Variants in DNAH6 observed in about 807,000 individuals in gnomAD.
DNAH6 encodes dynein axonemal heavy chain 6.
Under a neutral mutation model 491.4 loss-of-function variants are expected in DNAH6, and 340 were observed. That is an observed-to-expected ratio of 0.69 (90% CI 0.63 to 0.76). The LOEUF (loss-of-function observed/expected upper bound fraction) is 0.76, where lower values mean the gene tolerates loss of function less well. DNAH6 is among the 30% of genes least tolerant of loss of function. The pLI, the probability that DNAH6 is intolerant of heterozygous loss-of-function variation, is 0.00. For missense variants in DNAH6, 4,443 were observed against 4,972.2 expected (o/e 0.89, Z 3.20); for synonymous variants, 1,603 against 1,686.1 (o/e 0.95, Z 1.21).
chr2:84,519,706 C>A (rs1187580246), intron 2 of DNAH6, among the ~76,000 whole-genome samples: 3 of 150,486 alleles, frequency 2.0e-5, no homozygotes, highest in African/African-American at 7.3e-5. Flanking sequence ...TACTCTCTTT[C>A]TTTTCTACTC....
intron 68 of DNAH6, among the ~76,000 whole-genome samples, chr2:84,795,380 G>A (rs1292945215): frequency 6.6e-6 from 1 of 152,002 alleles, no homozygotes; most frequent in Admixed American, 6.6e-5. Flanking sequence ...TTATTAGTTT[G>A]TGTACATGCT....
At chr2:84,530,706 A>T (rs1677085843) in intron 4 of DNAH6, among the ~76,000 whole-genome samples, 1 of 152,164 alleles carries the variant, frequency 6.6e-6, no homozygotes, top group Admixed American at 6.6e-5. Flanking sequence ...GGGACTGGGG[A>T]TGATGATGAA....
chr2:84,664,009 T>G (rs1691809036), intron 37 of DNAH6, among the ~76,000 whole-genome samples: 1 of 152,030 alleles, frequency 6.6e-6, no homozygotes, highest in Admixed American at 6.6e-5. Flanking sequence ...GCTTCATAAG[T>G]GAAAGAGAAA....
At chr2:84,532,602 GA>G (rs1321468974) in intron 4 of DNAH6, among the ~76,000 whole-genome samples, 1 of 152,118 alleles carries the variant, frequency 6.6e-6, no homozygotes, top group African/African-American at 2.4e-5. Flanking sequence ...TGAAGCTGTG[GA>G]AGGATTTTTT....
intron 14 of DNAH6, among the ~76,000 whole-genome samples, chr2:84,580,316 G>GCGCACACACACACA (rs1280178784): frequency 9.4e-5 from 14 of 149,174 alleles, no homozygotes; most frequent in African/African-American, 3.2e-4. Context: ...ACATACACAC[G>GCGCACACACACACA]CACACACACA....
chr2:84,503,217 C>A, the DNAH6 span, among the ~76,000 whole-genome samples: 1 of 151,898 alleles, frequency 6.6e-6, no homozygotes, highest in Non-Finnish European at 1.5e-5. Context: ...GTTATGTTAA[C>A]CTGATAACAA....
intron 14 of DNAH6, among the ~76,000 whole-genome samples, chr2:84,583,045 C>T (rs867217121): frequency 4.6e-5 from 7 of 152,136 alleles, no homozygotes; most frequent in Admixed American, 1.3e-4. Context: ...GGCAGAGTTG[C>T]GGGTAAGGAG....
At chr2:84,543,923 G>A (rs1678504766) in intron 4 of DNAH6, among the ~76,000 whole-genome samples, 1 of 152,020 alleles carries the variant, frequency 6.6e-6, no homozygotes, top group Non-Finnish European at 1.5e-5. Flanking sequence ...AATAGCTCCA[G>A]ATAGTTTTAA....
intron 65 of DNAH6, 83 bp downstream of exon 65, chr2:84,781,736 A>G: frequency 1.4e-6 from 2 of 1,413,490 alleles, no homozygotes; most frequent in South Asian, 1.5e-5. Context: ...ATAGTAATTC[A>G]TTATTGTAGG....
chr2:84,780,669 A>G (rs1676598371), intron 64 of DNAH6, among the ~76,000 whole-genome samples: 1 of 152,126 alleles, frequency 6.6e-6, no homozygotes, highest in African/African-American at 2.4e-5. Context: ...GCAATCTTTT[A>G]GAGGTAAGGA....
At chr2:84,557,620 G>A (rs564784493) in intron 10 of DNAH6, 115 bp from the exon 11 acceptor site, 27 of 237,976 alleles carry the variant, frequency 1.1e-4, no homozygotes, top group African/African-American at 3.3e-4. Flanking sequence ...ACTGCAGTCC[G>A]CAGTCCGGCC....
At chr2:84,794,193 C>T (rs1252447707) in intron 68 of DNAH6, among the ~76,000 whole-genome samples, 2 of 152,182 alleles carry the variant, frequency 1.3e-5, no homozygotes, top group African/African-American at 2.4e-5. Flanking sequence ...GGATTAAAGA[C>T]TTAAACGTTA....
intron 11 of DNAH6, among the ~76,000 whole-genome samples, chr2:84,570,097 A>C (rs1367845335): frequency 6.6e-6 from 1 of 152,086 alleles, no homozygotes; most frequent in African/African-American, 2.4e-5. Context: ...TTCTCTTTGC[A>C]GTACTCTCTT....
chr2:84,748,525 C>T (rs1673174455), intron 63 of DNAH6, among the ~76,000 whole-genome samples: 1 of 152,168 alleles, frequency 6.6e-6, no homozygotes, highest in African/African-American at 2.4e-5. Flanking sequence ...ACCTTTGTTC[C>T]AGTTCCCAGT....
chr2:84,715,659 G>C lies in DNAH6; in HGVS notation c.9611+32G>C, dbSNP rs553958671. On this transcript the variant is annotated intron_variant, in intron 58 of 76. Transcript: ENST00000389394. Reference sequence around the variant, plus strand: ...AAACAGGGAGTTGAGGGGAGGGAAGGGGGTATTGTGGGTTTCCTAAATATT... The same window carrying C: ...AAACAGGGAGTTGAGGGGAGGGAAGCGGGTATTGTGGGTTTCCTAAATATT... The C allele has an allele frequency of 6.6e-6, 10 of 1,523,980 alleles. No homozygotes were observed. In the East Asian group the frequency reaches 9.8e-5, roughly 15 times the overall value. 94.4% of individuals were successfully genotyped at this position (1,523,980 alleles called of 1,614,324 possible). A position where few individuals can be genotyped will look rare whatever the true frequency, so the allele number is the denominator to read the frequency against.
intron 53 of DNAH6, among the ~76,000 whole-genome samples, chr2:84,707,236 A>G (rs529127371): frequency 6.6e-6 from 1 of 152,370 alleles, no homozygotes; most frequent in East Asian, 1.9e-4. Context: ...ACAAAACAGT[A>G]TGTGAATTTG....
the DNAH6 span, among the ~76,000 whole-genome samples, chr2:84,477,022 G>C: frequency 6.6e-6 from 1 of 152,154 alleles, no homozygotes; most frequent in South Asian, 2.1e-4. Flanking sequence ...GCCCCACGTT[G>C]GGCAGCCAGG....
At chr2:84,799,939 C>G (rs1231071924) in intron 70 of DNAH6, among the ~76,000 whole-genome samples, 4 of 152,160 alleles carry the variant, frequency 2.6e-5, no homozygotes, top group African/African-American at 9.7e-5. Context: ...TCCATTGGAC[C>G]CACCCTGCTG....
chr2:84,604,510 C>G lies in DNAH6; in HGVS notation c.3040C>G (p.Gln1014Glu). ...TCAAGAAATCCAGGACATATCTGGACAGGCTTCTGGAGAAGCTGCCTTAGA... is the reference window on the plus strand; with the variant it reads ...TCAAGAAATCCAGGACATATCTGGAGAGGCTTCTGGAGAAGCTGCCTTAGA... Reference protein sequence around the residue: ...FGQEIQDISGQASGEAALEAI... With the variant: ...FGQEIQDISGEASGEAALEAI... Residue 1014 changes from glutamine (Q) to glutamate (E), a missense_variant, in exon 19 of 77, where the codon CAG becomes GAG. Physicochemically the swap from Gln to Glu is conservative, Grantham distance 29 (BLOSUM62 2). This residue lies in a region of DNAH6 where 2,977 missense variants were observed against 3,296.6 expected (regional missense o/e 0.90). Coordinates refer to ENST00000389394, the MANE Select transcript of DNAH6 (RefSeq NM_001370.2). The G allele has an allele frequency of 6.4e-7, 1 of 1,551,692 alleles. No individual in the cohort carries two copies. Among genetic ancestry groups the G allele is most frequent in the Non-Finnish European group, 8.7e-7 (1 of 1,146,980 alleles).
Sources: allele counts gnomAD v4.1 joint callset (sites outside exome capture counted in the v4.1 genomes callset), GRCh38; gene constraint gnomAD v4.1.1; regional missense constraint gnomAD v4.1.1; transcripts MANE v1.5; gene names NCBI Gene and HGNC (gene_info 2026-07-23, HGNC 2026-07-21).